WDR70: variants seen among roughly 807,000 people sequenced by gnomAD.
WDR70 encodes WD repeat-containing protein 70.
A neutral mutation model predicts 88.6 loss-of-function variants in WDR70; 53 were observed. The observed-to-expected ratio is 0.60, with a 90% confidence interval of 0.48 to 0.75. The LOEUF (loss-of-function observed/expected upper bound fraction) is 0.75, where lower values mean the gene tolerates loss of function less well. Among genes scored for constraint, WDR70 ranks in the 30% least tolerant of loss-of-function variants. The probability of loss-of-function intolerance (pLI) is 0.00; values close to 1 mark genes in which losing one functional copy is unlikely to be tolerated. For synonymous variants in WDR70, 280 were observed against 270.0 expected (o/e 1.04, Z -0.36); for missense variants, 610 against 823.2 (o/e 0.74, Z 3.17).
At chr5:37,588,555 A>G (rs988748680) in intron 9 of WDR70, among the ~76,000 whole-genome samples, 2 of 148,030 alleles carry the variant, frequency 1.4e-5, no homozygotes, top group African/African-American at 2.5e-5. Context: ...CCCACTCTCC[A>G]TACTATATTT....
intron 9 of WDR70, among the ~76,000 whole-genome samples, chr5:37,521,736 A>ACACACC (rs748303237): frequency 7.2e-6 from 1 of 139,220 alleles, no homozygotes; most frequent in African/African-American, 2.7e-5. Context: ...ACACACACAC[A>ACACACC]CACACCCACA....
At chr5:37,559,016 C>T (rs950763673) in intron 9 of WDR70, among the ~76,000 whole-genome samples, 3 of 151,862 alleles carry the variant, frequency 2.0e-5, no homozygotes, top group African/African-American at 2.4e-5. Flanking sequence ...TCACTGTAAC[C>T]TCTGCCTCTC....
At chr5:37,550,886 T>C (rs1742121709) in intron 9 of WDR70, among the ~76,000 whole-genome samples, 1 of 152,228 alleles carries the variant, frequency 6.6e-6, no homozygotes, top group Non-Finnish European at 1.5e-5. Flanking sequence ...TGTGTATCTG[T>C]TGTATGTTTT....
chr5:37,726,402 A>G (rs571115682), intron 16 of WDR70, among the ~76,000 whole-genome samples: 34 of 152,274 alleles, frequency 2.2e-4, no homozygotes, highest in Admixed American at 9.2e-4. Context: ...CCTATTTCAT[A>G]GGGAGATTAT....
At chr5:37,479,297 T>A (rs1033171081) in intron 7 of WDR70, among the ~76,000 whole-genome samples, 1 of 151,542 alleles carries the variant, frequency 6.6e-6, no homozygotes, top group Non-Finnish European at 1.5e-5. Context: ...AGAGTTTTAA[T>A]AGATTGCAGT....
chr5:37,439,850 T>C (rs1414392411), intron 6 of WDR70, among the ~76,000 whole-genome samples: 1 of 152,138 alleles, frequency 6.6e-6, no homozygotes, highest in Non-Finnish European at 1.5e-5. Context: ...AATACCTGAC[T>C]TCATATGATT....
intron 5 of WDR70, among the ~76,000 whole-genome samples, chr5:37,407,843 C>T (rs1749400950): frequency 6.6e-6 from 1 of 151,966 alleles, no homozygotes; most frequent in African/African-American, 2.4e-5. Context: ...TGTGCCCAGC[C>T]TAACCATGCT....
chr5:37,729,649 CCTTAAAGTATA>C (rs1398019952), intron 17 of WDR70, among the ~76,000 whole-genome samples: 1 of 152,158 alleles, frequency 6.6e-6, no homozygotes, highest in Non-Finnish European at 1.5e-5. Flanking sequence ...TTGTCTTTAG[CCTTAAAGTATA>C]CTTTCTTCAC....
chr5:37,431,902 C>T (rs764702228), intron 5 of WDR70, among the ~76,000 whole-genome samples: 15 of 152,136 alleles, frequency 9.9e-5, no homozygotes, highest in Non-Finnish European at 1.3e-4. Context: ...TCTTTTAAGA[C>T]GGAAAAATAT....
rs560756391 is a variant in WDR70 at position 37,469,711 on chromosome 5, A to G, written c.687-10123A>G. Among the ~76,000 whole-genome samples the G allele has an allele frequency of 2.6e-5, 4 of 152,278 alleles. No homozygotes were observed. In the East Asian group the frequency reaches 7.7e-4, roughly 29 times the overall value. ...GTAGGAGCAGTTGTCATATTACTAT[A>G]TAGCTACTGAATGAAGAAGAGTTCT... On this transcript the variant is annotated intron_variant, in intron 7 of 17. Coordinates refer to ENST00000265107, the MANE Select transcript of WDR70 (RefSeq NM_018034.4).
chr5:37,566,814 C>A (rs1742754293), intron 9 of WDR70, among the ~76,000 whole-genome samples: 1 of 152,134 alleles, frequency 6.6e-6, no homozygotes, highest in South Asian at 2.1e-4. Flanking sequence ...TATTTTTTGA[C>A]ATTTGCACTT....
chr5:37,701,102 C>A lies in WDR70; in HGVS notation c.1237C>A (p.Pro413Thr), dbSNP rs759624934. The change falls in exon 12 of 18, where the codon CCA (proline) becomes ACA (threonine). Residue 413 changes from proline to threonine, a missense_variant. This residue lies in a region of WDR70 where 254 missense variants were observed against 300.7 expected (regional missense o/e 0.84). Coordinates refer to ENST00000265107, the MANE Select transcript of WDR70 (RefSeq NM_018034.4). ...ATGGGACATCCGACAATTTAATAAA[C>A]CACTTTTTTCAGCCTCGGGTCTTCC... Reference protein sequence around the residue: ...KLWDIRQFNKPLFSASGLPTM... With the variant: ...KLWDIRQFNKTLFSASGLPTM... The A allele has an allele frequency of 2.5e-6, 4 of 1,612,486 alleles. No individual in the cohort carries two copies. The highest frequency in any genetic ancestry group is 3.4e-6 in the Non-Finnish European group (4 of 1,178,870).
chr5:37,461,000 T>A (rs1405917660), intron 7 of WDR70, among the ~76,000 whole-genome samples: 1 of 151,952 alleles, frequency 6.6e-6, no homozygotes, highest in East Asian at 1.9e-4. Flanking sequence ...TATAATTTTT[T>A]CATTTTTCAA....
At chr5:37,457,765 C>A (rs1738889999) in intron 7 of WDR70, among the ~76,000 whole-genome samples, 1 of 152,118 alleles carries the variant, frequency 6.6e-6, no homozygotes, top group Admixed American at 6.6e-5. Flanking sequence ...CAGACTGTGA[C>A]CAGTGGCTGA....
At position 37,392,174 on chromosome 5, in the gene WDR70, A is replaced by C. The variant is rs1307606030; in HGVS notation, c.296+54A>C. On this transcript the variant is annotated intron_variant, in intron 4 of 17. Transcript: ENST00000265107. ...AAACTATCAGTTTCTAGGTGTTTAT[A>C]GAGTTTTTTTTTTTTTTTTTAATTT... 4 of 1,471,050 alleles carry C rather than the reference A, an allele frequency of 2.7e-6. No homozygotes were observed. The African/African-American group carries it at 4.8e-5, about 18-fold the overall frequency. The allele number at this position is 1,471,050 out of a possible 1,614,324, so 91.1% of individuals were successfully genotyped here.
At chr5:37,584,722 C>T (rs1743316692) in intron 9 of WDR70, among the ~76,000 whole-genome samples, 1 of 151,842 alleles carries the variant, frequency 6.6e-6, no homozygotes, top group Admixed American at 6.6e-5. Flanking sequence ...ACCGTAAGCA[C>T]CTGCAGATAC....
chr5:37,747,260 CG>C (rs1748662801), intron 17 of WDR70, among the ~76,000 whole-genome samples: 1 of 151,988 alleles, frequency 6.6e-6, no homozygotes, highest in Admixed American at 6.6e-5. Context: ...GGCCAACAAA[CG>C]TATGAAAAGA....
intron 8 of WDR70, among the ~76,000 whole-genome samples, chr5:37,512,217 T>A (rs1425666767): frequency 6.6e-6 from 1 of 152,118 alleles, no homozygotes; most frequent in African/African-American, 2.4e-5. Flanking sequence ...TCTTTTCTTC[T>A]TTAAAAAAAA....
intron 17 of WDR70, among the ~76,000 whole-genome samples, chr5:37,730,827 A>T (rs1197164124): frequency 6.6e-6 from 1 of 152,136 alleles, no homozygotes; most frequent in African/African-American, 2.4e-5. Context: ...CTCAATCTTT[A>T]TACTGCTACC....
Sources: allele counts gnomAD v4.1 joint callset (sites outside exome capture counted in the v4.1 genomes callset), GRCh38; gene constraint gnomAD v4.1.1; regional missense constraint gnomAD v4.1.1; transcripts MANE v1.5; gene names NCBI Gene and HGNC (gene_info 2026-07-23, HGNC 2026-07-21).